Variants in PPP2CB observed in about 807,000 individuals in gnomAD.
The protein encoded by PPP2CB is protein phosphatase 2 catalytic subunit beta.
A neutral mutation model predicts 39.1 loss-of-function variants in PPP2CB; 18 were observed. The observed-to-expected ratio is 0.46, with a 90% confidence interval of 0.32 to 0.68. The LOEUF (loss-of-function observed/expected upper bound fraction) is 0.68. PPP2CB is among the 30% of genes least tolerant of loss of function. The pLI is 0.04. For synonymous variants in PPP2CB, 129 were observed against 133.8 expected (o/e 0.96, Z 0.25); for missense variants, 226 against 396.9 (o/e 0.57, Z 3.66).
At chr8:30,797,921 T>C (rs560227673) in intron 2 of PPP2CB, among the ~76,000 whole-genome samples, 167 bp from the exon 3 acceptor site, 1 of 152,344 alleles carries the variant, frequency 6.6e-6, no homozygotes, top group South Asian at 2.1e-4. Context: ...AACCAGGTCT[T>C]ACTGGTTAAC....
At chr8:30,795,380 G>C (rs1806505901) in intron 3 of PPP2CB, among the ~76,000 whole-genome samples, 1 of 152,170 alleles carries the variant, frequency 6.6e-6, no homozygotes, top group South Asian at 2.1e-4. Flanking sequence ...CTCCCAAAGT[G>C]CTGGGATTAC....
At chr8:30,789,532 C>T (rs1344842194) in intron 6 of PPP2CB, among the ~76,000 whole-genome samples, 1 of 152,194 alleles carries the variant, frequency 6.6e-6, no homozygotes, top group Non-Finnish European at 1.5e-5. Context: ...GCTTCCCATT[C>T]AGCCAGGGAC....
At position 30,793,801 on chromosome 8, in the gene PPP2CB, C is replaced by A. The variant is rs1229631163; in HGVS notation, c.738+116G>T. ...ACTTGCTAAAACCAGCAAGTTTTTC[C>A]TCTTTTCACCTAGGTAATAAATGGT... is the stretch of plus-strand genomic sequence containing the variant. On this transcript the variant is annotated intron_variant, in intron 5 of 6. Coordinates refer to ENST00000221138, the MANE Select transcript of PPP2CB (RefSeq NM_001009552.2). The A allele has an allele frequency of 8.9e-6, 11 of 1,230,358 alleles. No homozygotes were observed. The Admixed American group carries it at 1.9e-4, about 21-fold the overall frequency. The allele number at this position is 1,230,358 out of a possible 1,614,324, so 76.2% of individuals were successfully genotyped here. A position where few individuals can be genotyped will look rare whatever the true frequency, so the allele number is the denominator to read the frequency against.
intron 5 of PPP2CB, among the ~76,000 whole-genome samples, chr8:30,792,347 G>A (rs1394214007): frequency 6.6e-6 from 1 of 151,918 alleles, no homozygotes; most frequent in African/African-American, 2.4e-5. Context: ...GAGCCACCAC[G>A]CCAGCTCATT....
chr8:30,805,694 A>G (rs181029259), intron 1 of PPP2CB, among the ~76,000 whole-genome samples: 16 of 152,338 alleles, frequency 1.1e-4, no homozygotes. Context: ...TGAATAGGTG[A>G]GAACACTTAA....
At chr8:30,790,247 C>T (rs915059717) in intron 6 of PPP2CB, among the ~76,000 whole-genome samples, 1 of 152,134 alleles carries the variant, frequency 6.6e-6, no homozygotes, top group Non-Finnish European at 1.5e-5. Flanking sequence ...CTTGACTGCT[C>T]CTGAGTGGGT....
At chr8:30,809,373 AAGG>A (rs903973812) in intron 1 of PPP2CB, among the ~76,000 whole-genome samples, 1 of 152,130 alleles carries the variant, frequency 6.6e-6, no homozygotes, top group African/African-American at 2.4e-5. Context: ...ATGTATCAAC[AAGG>A]AGGATGGGGT....
At chr8:30,808,983 G>A (rs939790769) in intron 1 of PPP2CB, among the ~76,000 whole-genome samples, 2 of 148,376 alleles carry the variant, frequency 1.3e-5, no homozygotes, top group African/African-American at 5.0e-5. Flanking sequence ...GGAGTGCAGC[G>A]GTATGATCAC....
intron 5 of PPP2CB, 103 bp from the exon 6 acceptor site, chr8:30,791,418 G>T: frequency 1.2e-6 from 1 of 807,018 alleles, no homozygotes; most frequent in Non-Finnish European, 2.1e-6. Flanking sequence ...ACTCTCTGTG[G>T]AAATGTAGTC....
At chr8:30,800,866 C>T (rs1806609225) in intron 1 of PPP2CB, among the ~76,000 whole-genome samples, 2 of 152,162 alleles carry the variant, frequency 1.3e-5, no homozygotes, top group South Asian at 2.1e-4. Context: ...GGGACTAATA[C>T]AGAATGCAAA....
At chr8:30,791,512 T>C in intron 5 of PPP2CB, 197 bp from the exon 6 acceptor site, 1 of 435,980 alleles carries the variant, frequency 2.3e-6, no homozygotes, top group Non-Finnish European at 4.0e-6. Context: ...CCTAGGAGTC[T>C]GTTAAATGCA....
intron 1 of PPP2CB, among the ~76,000 whole-genome samples, chr8:30,806,414 A>G (rs1563217611): frequency 6.6e-6 from 1 of 152,282 alleles, no homozygotes; most frequent in East Asian, 1.9e-4. Context: ...CTATTAGATC[A>G]CATTTGGTCA....
chr8:30,788,195 TTACTC>T (rs1042527891), intron 6 of PPP2CB, among the ~76,000 whole-genome samples: 2 of 152,210 alleles, frequency 1.3e-5, no homozygotes, highest in African/African-American at 4.8e-5. Flanking sequence ...CAGGTTTAGT[TTACTC>T]TGCTTTTTCT....
At chr8:30,796,628 A>T (rs1184921474) in intron 3 of PPP2CB, among the ~76,000 whole-genome samples, 2 of 152,080 alleles carry the variant, frequency 1.3e-5, no homozygotes, top group Non-Finnish European at 2.9e-5. Context: ...ACCTCAGGTG[A>T]TCCACCCACC....
chr8:30,792,654 C>T (rs930068817), intron 5 of PPP2CB, among the ~76,000 whole-genome samples: 2 of 150,414 alleles, frequency 1.3e-5, no homozygotes, highest in Non-Finnish European at 3.0e-5. Flanking sequence ...TGAGGTCTCA[C>T]TATGTTGCCC....
chr8:30,787,693 T>C lies in PPP2CB; in HGVS notation c.858-1386A>G, dbSNP rs550240226. On this transcript the variant is annotated intron_variant, in intron 6 of 6. Transcript: ENST00000221138. Reference sequence around the variant, plus strand: ...CAATGAAGCCAATTGGGCTTGGCCTTTTATTTGTGGGGAGTTTTAACTTTT... The same window carrying C: ...CAATGAAGCCAATTGGGCTTGGCCTCTTATTTGTGGGGAGTTTTAACTTTT... Among the ~76,000 whole-genome samples the C allele has an allele frequency of 6.0e-4, 92 of 152,282 alleles. 1 individual carries two copies. The highest frequency in any genetic ancestry group is 1.2e-4 in the Non-Finnish European group (8 of 68,016).
intron 1 of PPP2CB, among the ~76,000 whole-genome samples, chr8:30,800,397 A>G (rs1314807751): frequency 1.3e-5 from 2 of 152,248 alleles, no homozygotes; most frequent in African/African-American, 4.8e-5. Context: ...TCACAAGTTT[A>G]AAAAGGTCAA....
At chr8:30,809,006 C>T (rs536136611) in intron 1 of PPP2CB, among the ~76,000 whole-genome samples, 1 of 147,128 alleles carries the variant, frequency 6.8e-6, no homozygotes, top group African/African-American at 2.5e-5. Flanking sequence ...CTCACTGTAA[C>T]CTCTGCCTCC....
rs376730390 is a variant in PPP2CB at position 30,801,430 on chromosome 8, G to A, written c.103-1675C>T. ...GCCTGTAGCCCCAGCTACTCAGGAG[G>A]CTGAGGCAGGAGAATATGACATGAA... On this transcript the variant is annotated intron_variant, in intron 1 of 6. Coordinates refer to ENST00000221138, the MANE Select transcript of PPP2CB (RefSeq NM_001009552.2). Among the ~76,000 whole-genome samples, 15 of 152,150 alleles carry A rather than the reference G, an allele frequency of 9.9e-5. No individual in the cohort carries two copies. In the East Asian group the frequency reaches 1.9e-3, roughly 20 times the overall value.
Sources: gnomAD v4.1 joint callset for allele counts (sites outside exome capture counted in the v4.1 genomes callset) on GRCh38, gnomAD v4.1.1 for gene constraint, MANE v1.5 for transcripts, NCBI Gene and HGNC (gene_info 2026-07-23, HGNC 2026-07-21) for gene names.